The following ATG5 variants were observed in gnomAD, a reference collection of about 807,000 sequenced individuals.
ATG5 encodes the protein autophagy related 5, also known as autophagy protein 5.
A neutral mutation model predicts 36.5 loss-of-function variants in ATG5; 14 were observed. The ratio of observed to expected loss-of-function variants is 0.38; its 90% confidence interval spans 0.25 to 0.60. The LOEUF (loss-of-function observed/expected upper bound fraction) is 0.60. Among genes scored for constraint, ATG5 ranks in the 20% least tolerant of loss-of-function variants. The pLI, the probability that ATG5 is intolerant of heterozygous loss-of-function variation, is 0.60. For missense variants in ATG5, 195 were observed against 326.7 expected, an observed-to-expected ratio of 0.60 and a Z score of 3.11; for synonymous variants, 95 against 101.5, an observed-to-expected ratio of 0.94 and a Z score of 0.38.
chr6:106,278,619 T>TAAA (rs1779752327), intron 5 of ATG5, among the ~76,000 whole-genome samples: 2 of 152,226 alleles, frequency 1.3e-5, no homozygotes, highest in Admixed American at 1.3e-4. Flanking sequence ...CAGCTATTGC[T>TAAA]TCCATAACTC....
chr6:106,243,904 C>CTTTT (rs35701133), intron 6 of ATG5, among the ~76,000 whole-genome samples: 54 of 54,934 alleles, frequency 9.8e-4, no homozygotes, highest in African/African-American at 4.0e-3. Context: ...AGGAACCATC[C>CTTTT]TTTTTTTTTT....
At chr6:106,297,717 A>AAC (rs56336702) in intron 3 of ATG5, among the ~76,000 whole-genome samples, 24,885 of 135,134 alleles carry the variant, frequency 0.18, 2,408 homozygotes, top group Middle Eastern at 0.24. Flanking sequence ...AAATGACTTA[A>AAC]ACACACACAC....
intron 6 of ATG5, among the ~76,000 whole-genome samples, chr6:106,242,248 G>A (rs992349457): frequency 3.3e-5 from 5 of 152,070 alleles, no homozygotes; most frequent in African/African-American, 1.2e-4. Flanking sequence ...CCAAAGTGCT[G>A]AGATTACATG....
intron 1 of ATG5, among the ~76,000 whole-genome samples, chr6:106,318,864 C>A (rs796744301): frequency 1.8e-4 from 27 of 152,254 alleles, no homozygotes; most frequent in African/African-American, 6.5e-4. Flanking sequence ...AGTGAATACA[C>A]TTAACTTTAA....
chr6:106,246,414 A>T (rs1396614664), intron 6 of ATG5, among the ~76,000 whole-genome samples: 4 of 151,038 alleles, frequency 2.6e-5, no homozygotes, highest in South Asian at 2.1e-4. Flanking sequence ...ACACACACAC[A>T]CACACACACA....
intron 5 of ATG5, among the ~76,000 whole-genome samples, chr6:106,255,742 A>T (rs1293095367): frequency 6.6e-6 from 1 of 152,210 alleles, no homozygotes; most frequent in African/African-American, 2.4e-5. Context: ...TTATATTAAA[A>T]TTTCTAATAA....
chr6:106,192,294 A>G (rs891007555), intron 7 of ATG5, among the ~76,000 whole-genome samples: 7 of 152,048 alleles, frequency 4.6e-5, no homozygotes, highest in Non-Finnish European at 1.0e-4. Flanking sequence ...ATACATTTTA[A>G]GTATATCATT....
chr6:106,283,822 T>A (rs1279876547), intron 4 of ATG5: 1 of 152,230 alleles, frequency 6.6e-6, no homozygotes, highest in Non-Finnish European at 1.5e-5. Context: ...CAGCTATTCA[T>A]TTCTGTTATT....
At chr6:106,235,003 G>C (rs73775396) in intron 6 of ATG5, among the ~76,000 whole-genome samples, 13 of 151,480 alleles carry the variant, frequency 8.6e-5, no homozygotes, top group Non-Finnish European at 1.2e-4. Flanking sequence ...TTTAGCGGAA[G>C]AATGTTGTTA....
intron 6 of ATG5, among the ~76,000 whole-genome samples, chr6:106,246,778 T>A (rs1051509710): frequency 1.3e-5 from 2 of 152,208 alleles, no homozygotes; most frequent in Non-Finnish European, 2.9e-5. Context: ...ATTATACAAG[T>A]AAGATATTTT....
In ATG5 at chr6:106,265,995, C is replaced by A. The variant is rs184706750; in HGVS notation, c.478+13666G>T. Among the ~76,000 whole-genome samples, 3 of 150,016 alleles carry A rather than the reference C, an allele frequency of 2.0e-5. No homozygotes were observed. The East Asian group carries it at 5.9e-4, about 29-fold the overall frequency. On this transcript the variant is annotated intron_variant, in intron 5 of 7. Coordinates refer to ENST00000369076, the MANE Select transcript of ATG5 (RefSeq NM_004849.4). ...AGCACAAGACAAGAATAATTAAGATCAGAGCAGAATTGAAGGAGATGGAGA... is the reference window on the plus strand; with the variant it reads ...AGCACAAGACAAGAATAATTAAGATAAGAGCAGAATTGAAGGAGATGGAGA...
chr6:106,300,520 T>C (rs979149211), intron 3 of ATG5, among the ~76,000 whole-genome samples: 5 of 152,150 alleles, frequency 3.3e-5, no homozygotes, highest in African/African-American at 1.2e-4. Context: ...ACAACATGGA[T>C]ATGTTCCGAG....
At chr6:106,215,559 A>C (rs1234109914) in intron 6 of ATG5, among the ~76,000 whole-genome samples, 1 of 152,190 alleles carries the variant, frequency 6.6e-6, no homozygotes, top group Non-Finnish European at 1.5e-5. Flanking sequence ...TACAGATTTC[A>C]CCACTTACGT....
At chr6:106,199,284 T>A (rs973971587) in intron 7 of ATG5, among the ~76,000 whole-genome samples, 22 of 152,326 alleles carry the variant, frequency 1.4e-4, no homozygotes, top group African/African-American at 5.1e-4. Flanking sequence ...TCCTAGCAGC[T>A]CTGTTTATAA....
chr6:106,246,846 A>G (rs1162501138), intron 6 of ATG5, among the ~76,000 whole-genome samples: 1 of 152,258 alleles, frequency 6.6e-6, no homozygotes, highest in African/African-American at 2.4e-5. Flanking sequence ...TAAAATAGAA[A>G]GAATATAAAT....
chr6:106,215,343 G>T (rs1391150738), intron 6 of ATG5, among the ~76,000 whole-genome samples: 1 of 152,166 alleles, frequency 6.6e-6, no homozygotes, highest in South Asian at 2.1e-4. Flanking sequence ...TCTTCAAACA[G>T]TCTCACCTAC....
intron 3 of ATG5, among the ~76,000 whole-genome samples, chr6:106,299,466 T>C (rs1770115768): frequency 6.6e-6 from 1 of 152,194 alleles, no homozygotes; most frequent in Non-Finnish European, 1.5e-5. Context: ...AACTGTATTT[T>C]CTGTGTAAAT....
chr6:106,229,022 G>C (rs1256684272), intron 6 of ATG5, among the ~76,000 whole-genome samples: 1 of 152,238 alleles, frequency 6.6e-6, no homozygotes, highest in African/African-American at 2.4e-5. Context: ...TCGCCCATGC[G>C]TGCGCTCCTA....
At chr6:106,293,973 T>C (rs1031400862) in intron 3 of ATG5, among the ~76,000 whole-genome samples, 3 of 152,188 alleles carry the variant, frequency 2.0e-5, no homozygotes, top group African/African-American at 7.2e-5. Context: ...TCAGCTTTTT[T>C]TTTTTTCTTC....
Sources: allele counts gnomAD v4.1 joint callset (sites outside exome capture counted in the v4.1 genomes callset), GRCh38; gene constraint gnomAD v4.1.1; transcripts MANE v1.5; gene names NCBI Gene and HGNC (gene_info 2026-07-23, HGNC 2026-07-21).